Variants in E2F2 observed in about 807,000 individuals in gnomAD.
The protein encoded by E2F2 is transcription factor E2F2.
A neutral mutation model predicts 42.2 loss-of-function variants in E2F2; 22 were observed. The observed-to-expected ratio is 0.52, with a 90% CI of 0.37 to 0.74. The LOEUF is 0.74. Ranked by LOEUF, E2F2 falls within the 30% of genes least tolerant of loss-of-function variation. The probability of loss-of-function intolerance (pLI) is 0.00; values close to 1 mark genes in which losing one functional copy is unlikely to be tolerated. For synonymous variants in E2F2, 248 were observed against 251.6 expected (o/e 0.99, Z 0.13); for missense variants, 481 against 557.8 (o/e 0.86, Z 1.39).
Position 23,530,359 on chromosome 1 carries a change from A to C in E2F2, c.252+183T>G, listed in dbSNP as rs1340350801. ...GAATGGATGAGATTATTTCATCCAA[A>C]GTCTGAAAATGAAGGGGTCTTCTAC... On this transcript the variant is annotated intron_variant, in intron 1 of 6. Transcript: ENST00000361729. The surrounding 1 kb of genome is among the most constrained non-coding windows in gnomAD (Gnocchi z 4.4). 6.6e-6 allele frequency among the ~76,000 whole-genome samples: 1 copy of C among 152,254 alleles called. No homozygotes were observed. The highest frequency in any genetic ancestry group is 1.5e-5 in the Non-Finnish European group (1 of 68,044).
At position 23,521,856 on chromosome 1, in the gene E2F2, T is replaced by C; in HGVS notation, c.559A>G (p.Lys187Glu). ...EGIQLIRKKA[K>E]NNIQWVGRGM... is the part of the protein sequence containing the mutation. Reference sequence around the variant, plus strand: ...ACTCACACCCACTGGATGTTGTTCTTGGCCTTCTTGCGGATGAGCTGGATG... The same window carrying C: ...ACTCACACCCACTGGATGTTGTTCTCGGCCTTCTTGCGGATGAGCTGGATG... The change falls in exon 3 of 7, where the codon AAG (lysine) becomes GAG (glutamate). Residue 187 changes from lysine to glutamate, a missense_variant. By Grantham distance (56) the Lys-to-Glu change is moderately conservative. Transcript: ENST00000361729. 1 of 1,614,134 alleles carries C rather than the reference T, an allele frequency of 6.2e-7. No homozygotes were observed. The highest frequency in any genetic ancestry group is 1.1e-5 in the South Asian group (1 of 91,076).
At chr1:23,525,660 T>C (rs547013432) in intron 1 of E2F2, among the ~76,000 whole-genome samples, 5 of 152,332 alleles carry the variant, frequency 3.3e-5, no homozygotes, top group African/African-American at 9.6e-5. Flanking sequence ...CCTGTCTGCA[T>C]GTGGGAGAAA....
chr1:23,519,222 T>G, intron 4 of E2F2, 92 bp from the exon 5 acceptor site: 1 of 770,610 alleles, frequency 1.3e-6, no homozygotes, highest in Non-Finnish European at 2.2e-6. Context: ...CTCCTAAGCC[T>G]CTGAACATTA....
At chr1:23,505,581 C>T (rs193193284), downstream of E2F2, among the ~76,000 whole-genome samples, 13 of 152,274 alleles carry the variant, frequency 8.5e-5, no homozygotes, top group African/African-American at 2.6e-4. Flanking sequence ...GGCGCCATCT[C>T]GGCTCACTGC....
rs952857515 is a variant in E2F2 at position 23,509,862 on chromosome 1, G to C, written c.*18C>G. 1 of 1,521,298 alleles carries C rather than the reference G, an allele frequency of 6.6e-7. No individual in the cohort carries two copies. The highest frequency in any genetic ancestry group is 1.4e-5 in the African/African-American group (1 of 72,118). The allele number at this position is 1,521,298 out of a possible 1,614,324, so 94.2% of individuals were successfully genotyped here. A position where few individuals can be genotyped will look rare whatever the true frequency, so the allele number is the denominator to read the frequency against. ...GAGGTAGAGTCGGGGGCAGGCTGCT[G>C]GGGGCAGGCAGGGCCACTCAATTAA... On this transcript the variant is annotated 3_prime_UTR_variant, in exon 7 of 7. Transcript: ENST00000361729.
At chr1:23,505,706 G>T (rs896525776), downstream of E2F2, among the ~76,000 whole-genome samples, 3 of 152,048 alleles carry the variant, frequency 2.0e-5, no homozygotes, top group East Asian at 3.8e-4. Flanking sequence ...GTAGAGACGG[G>T]GTTTCACTGT....
intron 6 of E2F2, among the ~76,000 whole-genome samples, chr1:23,510,789 G>A (rs1172596742): frequency 6.6e-6 from 1 of 152,214 alleles, no homozygotes; most frequent in Admixed American, 6.5e-5. Flanking sequence ...GGGCTGGGCA[G>A]AGAGGGGAAT....
At chr1:23,521,122 C>A in intron 3 of E2F2, 51 bp from the exon 4 acceptor site, 2 of 1,514,910 alleles carry the variant, frequency 1.3e-6, no homozygotes, top group South Asian at 1.3e-5. Context: ...AACTCCAGAA[C>A]AAGGTCATTC....
intron 5 of E2F2, 51 bp from the exon 6 acceptor site, chr1:23,516,578 C>T (rs528924319): frequency 2.1e-6 from 3 of 1,453,074 alleles, no homozygotes; most frequent in South Asian, 2.5e-5. Flanking sequence ...TGGACACTTA[C>T]ACTTAGTGTG....
chr1:23,530,734 G>C lies in E2F2; in HGVS notation c.60C>G (p.Pro20=). The part of the protein sequence containing the change: ...SAAGQTPKVV[P]AMSPTELWPS... ...GCCACAGCTCTGTGGGGCTCATCGC[G>C]GGCACCACCTTCGGGGTCTGCCCAG... The change falls in exon 1 of 7, where the codon CCC becomes CCG. Residue 20 remains proline, a synonymous_variant. Transcript: ENST00000361729. This position sits in a 1 kb window ranked among gnomAD's most constrained non-coding sequence, Gnocchi z 4.4. The C allele has an allele frequency of 6.3e-7, 1 of 1,599,330 alleles. No homozygotes were observed. The highest frequency in any genetic ancestry group is 8.5e-7 in the Non-Finnish European group (1 of 1,173,342).
At position 23,510,051 on chromosome 1, in the gene E2F2, G is replaced by C. The variant is rs1458074732; in HGVS notation, c.1143C>G (p.Leu381=). The C allele has an allele frequency of 1.2e-6, 2 of 1,612,240 alleles. No individual in the cohort carries two copies. The highest frequency in any genetic ancestry group is 1.7e-6 in the Non-Finnish European group (2 of 1,179,552). The change falls in exon 7 of 7, where the codon CTC becomes CTG. Residue 381 remains leucine, a synonymous_variant. Coordinates refer to ENST00000361729, the MANE Select transcript of E2F2 (RefSeq NM_004091.4). Reference sequence around the variant, plus strand: ...GGAACTGGTCCTCAGTCTGCTGCAGGAGTGGGTGCGGCAGCTCCAGCAGGC... The same window carrying C: ...GGAACTGGTCCTCAGTCTGCTGCAGCAGTGGGTGCGGCAGCTCCAGCAGGC... ...TDSLLELPHP[L]LQQTEDQFLS...
intron 2 of E2F2, among the ~76,000 whole-genome samples, chr1:23,523,845 G>A (rs891249553): frequency 4.6e-5 from 7 of 151,990 alleles, no homozygotes; most frequent in Non-Finnish European, 8.8e-5. Flanking sequence ...AGGCCGAGGC[G>A]GGTGGATCAT....
In E2F2 at chr1:23,531,064, G is replaced by T. The variant is rs898505710; in HGVS notation, c.-271C>A. 2.7e-6 allele frequency: 1 copy of T among 364,712 alleles called. No individual in the cohort carries two copies. Among genetic ancestry groups the T allele is most frequent in the African/African-American group, 2.1e-5 (1 of 47,668 alleles). 22.6% of individuals were successfully genotyped at this position (364,712 alleles called of 1,614,324 possible). Reference sequence around the variant, plus strand: ...TCGTCCCGAGGGCACCGCGACCCGGGACGCCCCGCGCTCCCCAAGGCCTCG... The same window carrying T: ...TCGTCCCGAGGGCACCGCGACCCGGTACGCCCCGCGCTCCCCAAGGCCTCG... On this transcript the variant is annotated 5_prime_UTR_variant, in exon 1 of 7. Coordinates refer to ENST00000361729, the MANE Select transcript of E2F2 (RefSeq NM_004091.4).
rs753848134 is a variant in E2F2, at chr1:23,510,127, G to A, written c.1067C>T (p.Pro356Leu). Residue 356 changes from proline to leucine, a missense_variant, in exon 7 of 7, where the codon CCC becomes CTC. By Grantham distance (98) the Pro-to-Leu change is moderately conservative. Coordinates refer to ENST00000361729, the MANE Select transcript of E2F2 (RefSeq NM_004091.4). ...ASSVPAPAPT[P>L]QQAPPPPSLV... is the part of the protein sequence containing the mutation. ...GGATGGAGGCGGTGGGGCCTGCTGGGGGGTTGGCGCTGGTGCTGGCACTGG... is the reference window on the plus strand; with the variant it reads ...GGATGGAGGCGGTGGGGCCTGCTGGAGGGTTGGCGCTGGTGCTGGCACTGG... 5 of 1,601,968 alleles carry A rather than the reference G, an allele frequency of 3.1e-6. No homozygotes were observed. The East Asian group carries it at 9.0e-5, about 29-fold the overall frequency.
chr1:23,509,653 G>T lies in E2F2; in HGVS notation c.*227C>A. The T allele has an allele frequency of 1.2e-6, 1 of 803,128 alleles. No homozygotes were observed. Among genetic ancestry groups the T allele is most frequent in the Non-Finnish European group, 1.7e-6 (1 of 594,812 alleles). 49.8% of individuals were successfully genotyped at this position (803,128 alleles called of 1,614,324 possible). On this transcript the variant is annotated 3_prime_UTR_variant, in exon 7 of 7. Coordinates refer to ENST00000361729, the MANE Select transcript of E2F2 (RefSeq NM_004091.4). ...TCAGAAGACTGGATGGGCCTCCCTAGGCCCAGCTTCCATTAGGAAGGTGAG... is the reference window on the plus strand; with the variant it reads ...TCAGAAGACTGGATGGGCCTCCCTATGCCCAGCTTCCATTAGGAAGGTGAG...
rs1642877389 is a variant in E2F2 at position 23,510,004 on chromosome 1, C to T, written c.1190G>A (p.Ser397Asn). The T allele has an allele frequency of 6.2e-7, 1 of 1,613,658 alleles. No homozygotes were observed. Among genetic ancestry groups the T allele is most frequent in the Non-Finnish European group, 8.5e-7 (1 of 1,179,940 alleles). Residue 397 changes from serine (S) to asparagine (N), a missense_variant, in exon 7 of 7, where the codon AGC becomes AAC. By Grantham distance (46) the Ser-to-Asn change is conservative. Transcript: ENST00000361729. ...TGGGGAGAAGCTGATCAGAGGGGAGCTGCACGCCAGGGTCGGGGACAGGAA... is the reference window on the plus strand; with the variant it reads ...TGGGGAGAAGCTGATCAGAGGGGAGTTGCACGCCAGGGTCGGGGACAGGAA... ...DQFLSPTLAC[S>N]SPLISFSPSL...
At chr1:23,521,699 G>A (rs1643152036) in intron 3 of E2F2, 138 bp downstream of exon 3, 7 of 1,467,062 alleles carry the variant, frequency 4.8e-6, no homozygotes, top group Non-Finnish European at 6.3e-6. Context: ...GTTGCTCTTG[G>A]TCCGCCTCAG....
intron 6 of E2F2, among the ~76,000 whole-genome samples, chr1:23,511,056 G>A (rs983445909): frequency 3.3e-5 from 5 of 151,956 alleles, no homozygotes; most frequent in Non-Finnish European, 7.4e-5. Context: ...GCCTCAGCTT[G>A]TCTCCACTTC....
At chr1:23,511,340 TC>T (rs2148688027) in intron 6 of E2F2, among the ~76,000 whole-genome samples, 2 of 151,870 alleles carry the variant, frequency 1.3e-5, no homozygotes, top group African/African-American at 4.8e-5. Context: ...GCTCAAGCAA[TC>T]CTCTCGCCTC....
Sources: gnomAD v4.1 joint callset for allele counts (sites outside exome capture counted in the v4.1 genomes callset) on GRCh38, gnomAD v4.1.1 for gene constraint, Gnocchi (gnomAD v3.1) non-coding constraint, MANE v1.5 for transcripts, NCBI Gene and HGNC (gene_info 2026-07-23, HGNC 2026-07-21) for gene names.